ANKRD20A1: variants seen among roughly 807,000 people sequenced by gnomAD.
The protein encoded by ANKRD20A1 is ankyrin repeat domain 20 family member A1, also known as ankyrin repeat domain-containing protein 20A1.
Under a neutral mutation model 50.9 loss-of-function variants are expected in ANKRD20A1, and 2 were observed. That is an observed-to-expected ratio of 0.04 (90% CI 0.02 to 0.12). ANKRD20A1 has a LOEUF of 0.12. Ranked by LOEUF, ANKRD20A1 falls within the 10% of genes least tolerant of loss-of-function variation. The pLI, the probability that ANKRD20A1 is intolerant of heterozygous loss-of-function variation, is 1.00. For missense variants in ANKRD20A1, 31 were observed against 548.1 expected, an observed-to-expected ratio of 0.06 and a Z score of 9.42; for synonymous variants, 10 against 186.2, an observed-to-expected ratio of 0.05 and a Z score of 7.70.
chr9:67,884,413 G>T, intron 8 of ANKRD20A1, 73 bp from the exon 9 acceptor site: 1 of 1,410,180 alleles, frequency 7.1e-7, no homozygotes, highest in Non-Finnish European at 9.6e-7. Flanking sequence ...TTCATAAAAA[G>T]AGATTGATAA....
chr9:67,885,852 T>G (rs2131558955), intron 9 of ANKRD20A1, among the ~76,000 whole-genome samples: 1 of 152,372 alleles, frequency 6.6e-6, no homozygotes, highest in Non-Finnish European at 1.5e-5. Flanking sequence ...CAGCTCTGAA[T>G]AGCAAGGGAA....
intron 11 of ANKRD20A1, among the ~76,000 whole-genome samples, chr9:67,892,660 C>T (rs1483663892): frequency 7.0e-6 from 1 of 143,524 alleles, no homozygotes; most frequent in Admixed American, 7.4e-5. Flanking sequence ...AGTTCTTACT[C>T]TATCACCCAG....
chr9:67,862,268 CACCT>C (rs1827506561), intron 1 of ANKRD20A1, among the ~76,000 whole-genome samples: 1 of 28,396 alleles, frequency 3.5e-5, no homozygotes, highest in East Asian at 7.1e-4. Context: ...CAGTGGCTCA[CACCT>C]GTAATCCCAG....
chr9:67,871,516 C>A (rs1390477628), intron 6 of ANKRD20A1, among the ~76,000 whole-genome samples: 1 of 137,316 alleles, frequency 7.3e-6, no homozygotes, highest in African/African-American at 2.7e-5. Context: ...AATATTTTTG[C>A]ATAAATAAGA....
At chr9:67,884,846 C>T (rs1266461857) in intron 9 of ANKRD20A1, among the ~76,000 whole-genome samples, 8 of 151,286 alleles carry the variant, frequency 5.3e-5, no homozygotes, top group Non-Finnish European at 1.2e-4. Context: ...GCGGAGATAC[C>T]ACCACTGCAT....
In ANKRD20A1 at chr9:67,900,506, A is replaced by G. The variant is rs200537632; in HGVS notation, c.1511A>G (p.His504Arg). The G allele has an allele frequency of 2.1e-5, 20 of 954,026 alleles. 6 individuals are homozygous for G. The highest frequency in any genetic ancestry group is 2.8e-5 in the Non-Finnish European group (20 of 722,456). 59.1% of individuals were successfully genotyped at this position (954,026 alleles called of 1,614,324 possible). A position where few individuals can be genotyped will look rare whatever the true frequency, so the allele number is the denominator to read the frequency against. Residue 504 changes from histidine (H) to arginine (R), a missense_variant, in exon 15 of 15, where the codon CAT becomes CGT. His to Arg is a conservative substitution (Grantham distance 29). Transcript: ENST00000562196. The part of the protein sequence containing the change: ...RNTPNWDFHN[H>R]EEMKGLMDEN... Reference sequence around the variant, plus strand: ...TGTTTTATTTAGGATTTTCATAATCATGAAGAAATGAAAGGTCTGATGGAT... The same window carrying G: ...TGTTTTATTTAGGATTTTCATAATCGTGAAGAAATGAAAGGTCTGATGGAT...
In ANKRD20A1 at chr9:67,872,289, T is replaced by C. The variant is rs1333832782; in HGVS notation, c.793+1077T>C. Among the ~76,000 whole-genome samples, 5 of 129,328 alleles carry C rather than the reference T, an allele frequency of 3.9e-5. No homozygotes were observed. In the South Asian group the frequency reaches 1.4e-3, roughly 36 times the overall value. 84.8% of individuals were successfully genotyped at this position (129,328 alleles called of 152,430 possible). On this transcript the variant is annotated intron_variant, in intron 6 of 14. Coordinates refer to ENST00000562196, the MANE Select transcript of ANKRD20A1 (RefSeq NM_032250.5). ...ATTCCTTTGTGAGAAGCACAAGTTA[T>C]ATTACATATTCGTACACAAGCAAAA...
At chr9:67,881,709 C>T (rs1281179346) in intron 8 of ANKRD20A1, among the ~76,000 whole-genome samples, 93 of 151,716 alleles carry the variant, frequency 6.1e-4, no homozygotes, top group Middle Eastern at 3.4e-3. Flanking sequence ...GTGGGAGAAT[C>T]GCTTGAACCC....
chr9:67,880,293 ATC>A (rs1214857395), intron 7 of ANKRD20A1, among the ~76,000 whole-genome samples, 181 bp from the exon 8 acceptor site: 1 of 5,284 alleles, frequency 1.9e-4, no homozygotes, highest in Non-Finnish European at 7.2e-4. Flanking sequence ...GGTAACTAAA[ATC>A]TATTTTTAGA....
chr9:67,882,687 T>C (rs1489814811), intron 8 of ANKRD20A1, among the ~76,000 whole-genome samples: 859 of 113,804 alleles, frequency 7.5e-3, no homozygotes, highest in African/African-American at 0.022. Context: ...GTGCACAATA[T>C]GTGGGTTTGT....
chr9:67,866,198 C>A, intron 3 of ANKRD20A1, among the ~76,000 whole-genome samples: 2 of 135,934 alleles, frequency 1.5e-5, no homozygotes, highest in Admixed American at 8.1e-5. Context: ...TATATTTTGT[C>A]TAAAATAAAA....
chr9:67,883,130 A>G (rs1221966915), intron 8 of ANKRD20A1, among the ~76,000 whole-genome samples: 1 of 151,696 alleles, frequency 6.6e-6, no homozygotes. Context: ...AGCATGATTT[A>G]TAATCCTTTG....
rs1200017790 is a variant in ANKRD20A1 at position 67,872,657 on chromosome 9, C to T, written c.793+1445C>T. On this transcript the variant is annotated intron_variant, in intron 6 of 14. Coordinates refer to ENST00000562196, the MANE Select transcript of ANKRD20A1 (RefSeq NM_032250.5). Reference sequence around the variant, plus strand: ...TGTTTTTCTCCAGTTATACAATTTACTTGAATGATGCACAATTAATCAATT... The same window carrying T: ...TGTTTTTCTCCAGTTATACAATTTATTTGAATGATGCACAATTAATCAATT... Among the ~76,000 whole-genome samples, 13 of 138,584 alleles carry T rather than the reference C, an allele frequency of 9.4e-5. 1 individual carries two copies. The highest frequency in any genetic ancestry group is 2.1e-4 in the Non-Finnish European group (13 of 62,582). The allele number at this position is 138,584 out of a possible 152,430, so 90.9% of individuals were successfully genotyped here.
rs1175792757 is a variant in ANKRD20A1 at position 67,897,042 on chromosome 9, CA to C, written c.1153-504del. ...TTTACTTTTTTGATATCACAGGATT[CA>C]AAAAAAAAAAAAGAGAGATAAAAGG... On this transcript the variant is annotated intron_variant, in intron 12 of 14. Transcript: ENST00000562196. Among the ~76,000 whole-genome samples the C allele has an allele frequency of 5.7e-4, 25 of 44,070 alleles. 1 individual carries two copies. Among genetic ancestry groups the C allele is most frequent in the Non-Finnish European group, 6.8e-4 (15 of 21,998 alleles). 28.9% of individuals were successfully genotyped at this position (44,070 alleles called of 152,430 possible).
At chr9:67,881,244 A>G (rs1827789743) in intron 8 of ANKRD20A1, among the ~76,000 whole-genome samples, 2 of 140,904 alleles carry the variant, frequency 1.4e-5, no homozygotes, top group Non-Finnish European at 3.1e-5. Context: ...TATCTGATTT[A>G]AAAATATAAA....
chr9:67,884,458 TG>T (rs1827842715), intron 8 of ANKRD20A1, 27 bp from the exon 9 acceptor site: 1 of 1,558,286 alleles, frequency 6.4e-7, no homozygotes, highest in South Asian at 1.1e-5. Flanking sequence ...AATTTTAAAA[TG>T]GAAACTAATT....
At chr9:67,884,782 C>T (rs1422513795) in intron 9 of ANKRD20A1, among the ~76,000 whole-genome samples, 4 of 151,020 alleles carry the variant, frequency 2.6e-5, no homozygotes, top group Non-Finnish European at 5.9e-5. Context: ...CCCAGCTACT[C>T]AGGAGGCTGA....
chr9:67,898,543 T>C (rs560215092), intron 13 of ANKRD20A1, among the ~76,000 whole-genome samples: 4 of 92,706 alleles, frequency 4.3e-5, no homozygotes, highest in African/African-American at 1.3e-4. Context: ...ATATAAAATA[T>C]ATGTAATAAG....
intron 6 of ANKRD20A1, among the ~76,000 whole-genome samples, chr9:67,871,876 G>T (rs1013460251): frequency 7.0e-6 from 1 of 142,598 alleles, no homozygotes; most frequent in Non-Finnish European, 1.6e-5. Context: ...AAATGAAGCT[G>T]TTAGAAAGGA....
Sources: allele counts gnomAD v4.1 joint callset (sites outside exome capture counted in the v4.1 genomes callset), GRCh38; gene constraint gnomAD v4.1.1; transcripts MANE v1.5; gene names NCBI Gene and HGNC (gene_info 2026-07-23, HGNC 2026-07-21).